The following KATNBL1 variants were observed in gnomAD, a reference collection of about 807,000 sequenced individuals.
KATNBL1 encodes the protein KATNB1-like protein 1.
In KATNBL1, 28 loss-of-function variants were observed where a neutral mutation model predicts 44.7. That is an observed-to-expected ratio of 0.63 (90% CI 0.46 to 0.86). The LOEUF (loss-of-function observed/expected upper bound fraction) is 0.86. KATNBL1 is among the 40% of genes least tolerant of loss of function. The pLI, the probability that KATNBL1 is intolerant of heterozygous loss-of-function variation, is 0.00. For missense variants in KATNBL1, 272 were observed against 350.7 expected (o/e 0.78, Z 1.79); for synonymous variants, 78 against 114.9 (o/e 0.68, Z 2.06).
chr15:34,197,737 A>G (rs1890062923), intron 1 of KATNBL1, among the ~76,000 whole-genome samples: 1 of 152,186 alleles, frequency 6.6e-6, no homozygotes, highest in African/African-American at 2.4e-5. Flanking sequence ...CCTTTTAAAT[A>G]AAAGAATGAG....
chr15:34,177,615 A>G (rs563775754), intron 1 of KATNBL1, among the ~76,000 whole-genome samples: 1,373 of 71,246 alleles, frequency 0.019, 10 homozygotes, highest in Middle Eastern at 0.12. Flanking sequence ...CCTGGGTGAC[A>G]AGAGCAAAAC....
rs777036960 is a variant in KATNBL1, at chr15:34,173,754, AG to A, written c.-14-10065del. 2.6e-5 allele frequency among the ~76,000 whole-genome samples: 4 copies of A among 152,180 alleles called. No individual in the cohort carries two copies. The East Asian group carries it at 7.7e-4, about 29-fold the overall frequency. On this transcript the variant is annotated intron_variant, in intron 1 of 9. Transcript: ENST00000256544. ...AACTACTTGGTGTTCATTAGAGAGG[AG>A]ATGGAGACAACTGGGGAATAGTTAG...
chr15:34,192,415 A>C (rs1487608624), intron 1 of KATNBL1, among the ~76,000 whole-genome samples: 1 of 151,730 alleles, frequency 6.6e-6, no homozygotes, highest in African/African-American at 2.4e-5. Flanking sequence ...AAAAAAAAAA[A>C]AAAACAAAAA....
chr15:34,176,303 G>A lies in KATNBL1; in HGVS notation c.-14-12613C>T, dbSNP rs552740633. ...TGAGGCAGGATAATTACTTGAACCC[G>A]GGAGGCGGAGTTTGCAGTGAGCCCA... is the stretch of plus-strand genomic sequence containing the variant. On this transcript the variant is annotated intron_variant, in intron 1 of 9. Coordinates refer to ENST00000256544, the MANE Select transcript of KATNBL1 (RefSeq NM_024713.3). Among the ~76,000 whole-genome samples the A allele has an allele frequency of 4.2e-3, 640 of 152,004 alleles. 7 individuals are homozygous for A. The highest frequency in any genetic ancestry group is 0.015 in the African/African-American group (619 of 41,458).
Position 34,153,054 on chromosome 15 carries a change from A to T in KATNBL1, c.174T>A (p.Thr58=). Residue 58 remains threonine (T), a synonymous_variant, in exon 4 of 10, where the codon ACT becomes ACA. Coordinates refer to ENST00000256544, the MANE Select transcript of KATNBL1 (RefSeq NM_024713.3). Reference sequence around the variant, plus strand: ...TACGAAGTTTATCTGGGCTTTTCACAGTTTGTCCAACTGTTCTGTAAAAAG... The same window carrying T: ...TACGAAGTTTATCTGGGCTTTTCACTGTTTGTCCAACTGTTCTGTAAAAAG... ...AAYINRTVGQ[T]VKSPDKLRKV... 6.2e-7 allele frequency: 1 copy of T among 1,609,104 alleles called. No individual in the cohort carries two copies.
intron 1 of KATNBL1, 130 bp downstream of exon 1, chr15:34,209,821 G>C (rs543767298): frequency 3.3e-5 from 5 of 150,028 alleles, no homozygotes; most frequent in African/African-American, 1.2e-4. Flanking sequence ...GCTGCCGCGA[G>C]CCCGGCCGAG....
chr15:34,182,302 T>A lies in KATNBL1; in HGVS notation c.-14-18612A>T, dbSNP rs565380132. 9.2e-5 allele frequency among the ~76,000 whole-genome samples: 14 copies of A among 152,330 alleles called. No individual in the cohort carries two copies. In the South Asian group the frequency reaches 1.0e-3, roughly 11 times the overall value. ...TTTCTCAAATGCAAAATGAGAATAT[T>A]GTGAAAATCAAAATGAGATTACACG... On this transcript the variant is annotated intron_variant, in intron 1 of 9. Coordinates refer to ENST00000256544, the MANE Select transcript of KATNBL1 (RefSeq NM_024713.3).
Position 34,182,731 on chromosome 15 carries a change from C to A in KATNBL1, c.-14-19041G>T, listed in dbSNP as rs189709198. On this transcript the variant is annotated intron_variant, in intron 1 of 9. Transcript: ENST00000256544. ...CTGGATAAGTCTCAAATGCATTATA[C>A]TAAGTGAAAGAAGCCAGATTCGAAA... Among the ~76,000 whole-genome samples, 3 of 152,194 alleles carry A rather than the reference C, an allele frequency of 2.0e-5. No individual in the cohort carries two copies. The South Asian group carries it at 6.2e-4, about 32-fold the overall frequency.
intron 1 of KATNBL1, among the ~76,000 whole-genome samples, chr15:34,172,732 C>T (rs941992513): frequency 1.4e-5 from 2 of 146,326 alleles, no homozygotes; most frequent in East Asian, 2.0e-4. Context: ...AACACACAGA[C>T]ACACAGACAC....
At chr15:34,197,817 G>A (rs967664143) in intron 1 of KATNBL1, among the ~76,000 whole-genome samples, 8 of 152,096 alleles carry the variant, frequency 5.3e-5, no homozygotes, top group African/African-American at 7.2e-5. Flanking sequence ...GCATGATCTC[G>A]GCTTACTGCA....
Position 34,141,330 on chromosome 15 carries a change from T to C in KATNBL1, c.*1009A>G, listed in dbSNP as rs1888145375. On this transcript the variant is annotated 3_prime_UTR_variant, in exon 10 of 10. Coordinates refer to ENST00000256544, the MANE Select transcript of KATNBL1 (RefSeq NM_024713.3). ...ACCATTCTAAATCACTGTATGTAAC[T>C]CTTTAAAACATATGTAGTGAAAAAG... The C allele has an allele frequency of 6.6e-6, 1 of 152,592 alleles. No homozygotes were observed. The highest frequency in any genetic ancestry group is 2.1e-4 in the South Asian group (1 of 4,832). 9.5% of individuals were successfully genotyped at this position (152,592 alleles called of 1,614,324 possible).
chr15:34,195,251 G>A (rs73382081), intron 1 of KATNBL1, among the ~76,000 whole-genome samples: 22,511 of 152,110 alleles, frequency 0.15, 1,788 homozygotes, highest in African/African-American at 0.19. Context: ...TACAATATGG[G>A]ATACTATTCA....
Position 34,152,942 on chromosome 15 carries a change from C to T in KATNBL1, c.286G>A (p.Asp96Asn). The change falls in exon 4 of 10, where the codon GAC (aspartate) becomes AAC (asparagine). Residue 96 changes from aspartate (D) to asparagine (N), a missense_variant. Asp to Asn is a conservative substitution (Grantham distance 23, BLOSUM62 1). Transcript: ENST00000256544. ...AGTTCATTTTCTTTATTTGCCATGT[C>T]ACAGCCCCCACTTCCAGGGGACTGT... is the stretch of plus-strand genomic sequence containing the variant. ...KKQSPGSGGC[D>N]MANKENELAC... 6.2e-7 allele frequency: 1 copy of T among 1,614,098 alleles called. No individual in the cohort carries two copies.
chr15:34,210,063 A>G lies in KATNBL1; in HGVS notation c.-127T>C. On this transcript the variant is annotated 5_prime_UTR_variant, in exon 1 of 10. Coordinates refer to ENST00000256544, the MANE Select transcript of KATNBL1 (RefSeq NM_024713.3). The stretch of plus-strand genomic sequence containing the variant: ...GCCGAGTCCCACTCAGGGCCATTCA[A>G]ACGCGGCCGCGCGCGCGGCCCGCCG... 6.9e-6 allele frequency: 1 copy of G among 145,782 alleles called. No individual in the cohort carries two copies. Among genetic ancestry groups the G allele is most frequent in the Middle Eastern group, 3.2e-3 (1 of 312 alleles). The allele number at this position is 145,782 out of a possible 1,614,324, so 9.0% of individuals were successfully genotyped here.
At chr15:34,156,814 G>A (rs988049262) in intron 2 of KATNBL1, among the ~76,000 whole-genome samples, 22 of 152,236 alleles carry the variant, frequency 1.4e-4, no homozygotes, top group Non-Finnish European at 2.5e-4. Context: ...GGATTGTACT[G>A]ATTTAGCTGA....
chr15:34,147,541 G>A, intron 5 of KATNBL1, 111 bp from the exon 6 acceptor site: 1 of 621,272 alleles, frequency 1.6e-6, no homozygotes, highest in Non-Finnish European at 2.6e-6. Flanking sequence ...AACAATGTCA[G>A]TATCTACAAT....
intron 1 of KATNBL1, among the ~76,000 whole-genome samples, chr15:34,199,357 A>C (rs1003012200): frequency 2.0e-5 from 3 of 152,204 alleles, no homozygotes; most frequent in Admixed American, 6.5e-5. Context: ...GAATCTCTTG[A>C]ACCCGGGAGG....
At chr15:34,172,488 T>C (rs7183322) in intron 1 of KATNBL1, among the ~76,000 whole-genome samples, 148,653 of 152,096 alleles carry the variant, frequency 0.98, 72,728 homozygotes, top group East Asian at 1. Context: ...AACTCCTGAC[T>C]TCAAGTGATC....
chr15:34,190,698 CAA>C (rs1301660702), intron 1 of KATNBL1, among the ~76,000 whole-genome samples: 1 of 151,830 alleles, frequency 6.6e-6, no homozygotes, highest in Non-Finnish European at 1.5e-5. Context: ...ATTTTAGCAT[CAA>C]AAAAAGAGAC....
Sources: allele counts gnomAD v4.1 joint callset (sites outside exome capture counted in the v4.1 genomes callset), GRCh38; gene constraint gnomAD v4.1.1; transcripts MANE v1.5; gene names NCBI Gene and HGNC (gene_info 2026-07-23, HGNC 2026-07-21).